The following COL14A1 variants were observed in gnomAD, a reference collection of about 807,000 sequenced individuals.
The protein encoded by COL14A1 is collagen alpha-1(XIV) chain.
A neutral mutation model predicts 230.3 loss-of-function variants in COL14A1; 136 were observed. That is an observed-to-expected ratio of 0.59 (90% CI 0.51 to 0.68). COL14A1 has a LOEUF of 0.68. Among genes scored for constraint, COL14A1 ranks in the 30% least tolerant of loss-of-function variants. The probability of loss-of-function intolerance (pLI) is 0.00; values close to 1 mark genes in which losing one functional copy is unlikely to be tolerated. For synonymous variants in COL14A1, 792 were observed against 784.1 expected (o/e 1.01, Z -0.17); for missense variants, 1,976 against 2,215.8 (o/e 0.89, Z 2.17).
At chr8:120,272,158 A>T (rs1164538161) in intron 26 of COL14A1, among the ~76,000 whole-genome samples, 1 of 151,796 alleles carries the variant, frequency 6.6e-6, no homozygotes, top group Non-Finnish European at 1.5e-5. Flanking sequence ...CTTAAACAAA[A>T]TAACTGTCAG....
intron 5 of COL14A1, among the ~76,000 whole-genome samples, chr8:120,168,749 T>A (rs1409450497): frequency 6.6e-6 from 1 of 152,236 alleles, no homozygotes; most frequent in Non-Finnish European, 1.5e-5. Context: ...CTTAGAACTT[T>A]GCCTGCCATT....
At chr8:120,250,504 G>A (rs1298863162) in intron 21 of COL14A1, 113 bp from the exon 22 acceptor site, 2 of 1,119,280 alleles carry the variant, frequency 1.8e-6, no homozygotes, top group Non-Finnish European at 2.6e-6. Flanking sequence ...CTGTCTGCTT[G>A]CTGTATAATC....
At chr8:120,340,030 T>C (rs1447958417) in intron 42 of COL14A1, among the ~76,000 whole-genome samples, 3 of 125,714 alleles carry the variant, frequency 2.4e-5, no homozygotes, top group Non-Finnish European at 4.7e-5. Context: ...AGAGGGAGAC[T>C]GCGTCTCAAA....
At chr8:120,138,369 ATGCAGATTT>A (rs1200387440) in intron 1 of COL14A1, among the ~76,000 whole-genome samples, 1 of 152,166 alleles carries the variant, frequency 6.6e-6, no homozygotes, top group African/African-American at 2.4e-5. Flanking sequence ...GGGCAGTTTT[ATGCAGATTT>A]TGCTCCCCCT....
intron 45 of COL14A1, among the ~76,000 whole-genome samples, chr8:120,361,530 T>G (rs1248001062): frequency 6.6e-6 from 1 of 152,244 alleles, no homozygotes; most frequent in African/African-American, 2.4e-5. Flanking sequence ...GTCCAGTACC[T>G]TGCTCTTAGT....
intron 34 of COL14A1, among the ~76,000 whole-genome samples, chr8:120,292,122 A>G (rs1157549782): frequency 3.3e-5 from 5 of 152,128 alleles, no homozygotes; most frequent in African/African-American, 1.2e-4. Flanking sequence ...ATTATAATAT[A>G]TTTCACAATG....
intron 34 of COL14A1, among the ~76,000 whole-genome samples, chr8:120,292,109 A>G (rs918533321): frequency 1.3e-5 from 2 of 152,150 alleles, no homozygotes; most frequent in African/African-American, 4.8e-5. Flanking sequence ...TAATTATTTT[A>G]TAATTATAAT....
chr8:120,360,079 G>C (rs1823136977), intron 45 of COL14A1, among the ~76,000 whole-genome samples: 2 of 152,154 alleles, frequency 1.3e-5, no homozygotes, highest in African/African-American at 4.8e-5. Flanking sequence ...TCTTGCTCTG[G>C]TTAGTGGATT....
At chr8:120,320,382 TA>T (rs2033718798) in intron 40 of COL14A1, among the ~76,000 whole-genome samples, 1 of 152,158 alleles carries the variant, frequency 6.6e-6, no homozygotes, top group African/African-American at 2.4e-5. Context: ...AAAAGCAAGT[TA>T]AAAATTTTTT....
At position 120,223,930 on chromosome 8, in the gene COL14A1, G is replaced by A. The variant is rs118123600; in HGVS notation, c.1738-1158G>A. On this transcript the variant is annotated intron_variant, in intron 14 of 47. Coordinates refer to ENST00000297848, the MANE Select transcript of COL14A1 (RefSeq NM_021110.4). ...TACAATATGCACCCTGTACTATGCAGCGCTGCAGCCCCGTGCCCAACACCT... is the reference window on the plus strand; with the variant it reads ...TACAATATGCACCCTGTACTATGCAACGCTGCAGCCCCGTGCCCAACACCT... Among the ~76,000 whole-genome samples the A allele has an allele frequency of 3.9e-3, 591 of 151,700 alleles. 3 individuals are homozygous for A. The highest frequency in any genetic ancestry group is 7.3e-3 in the Non-Finnish European group (494 of 67,926).
intron 25 of COL14A1, 61 bp downstream of exon 25, chr8:120,266,944 G>T (rs766714070): frequency 7.0e-7 from 1 of 1,419,264 alleles, no homozygotes; most frequent in East Asian, 2.3e-5. Context: ...GGTTTTGTTT[G>T]CCTGTTCATT....
At chr8:120,196,154 G>C (rs891878219) in intron 5 of COL14A1, among the ~76,000 whole-genome samples, 1 of 152,114 alleles carries the variant, frequency 6.6e-6, no homozygotes, top group African/African-American at 2.4e-5. Context: ...TTATTTACAT[G>C]ATCTTTAGGA....
At chr8:120,363,548 G>A (rs1172301689) in intron 45 of COL14A1, among the ~76,000 whole-genome samples, 4 of 152,186 alleles carry the variant, frequency 2.6e-5, no homozygotes, top group Non-Finnish European at 5.9e-5. Context: ...TAGCAAACCT[G>A]CACGTTCTGC....
chr8:120,366,187 A>G (rs1046483954), intron 45 of COL14A1, among the ~76,000 whole-genome samples: 25 of 152,258 alleles, frequency 1.6e-4, no homozygotes, highest in Non-Finnish European at 1.2e-4. Flanking sequence ...GACAGTGAAT[A>G]TGCATTATAT....
chr8:120,335,626 C>T (rs1586875470), intron 42 of COL14A1, among the ~76,000 whole-genome samples: 1 of 152,120 alleles, frequency 6.6e-6, no homozygotes, highest in Admixed American at 6.6e-5. Context: ...GGGAAAGGGA[C>T]CAAGAGGGAC....
chr8:120,251,464 A>G (rs1818947560), intron 22 of COL14A1, among the ~76,000 whole-genome samples: 2 of 152,054 alleles, frequency 1.3e-5, no homozygotes, highest in African/African-American at 4.8e-5. Context: ...ATGCCACCCC[A>G]TTCTCAGCAC....
intron 45 of COL14A1, among the ~76,000 whole-genome samples, chr8:120,351,565 G>A (rs1472202009): frequency 7.8e-6 from 1 of 127,518 alleles, no homozygotes; most frequent in Non-Finnish European, 1.6e-5. Flanking sequence ...TATCACCACC[G>A]ATCCCACAGA....
At chr8:120,314,048 C>CA (rs1586855203) in intron 38 of COL14A1, 21 bp downstream of exon 38, 4 of 1,529,982 alleles carry the variant, frequency 2.6e-6, no homozygotes, top group Middle Eastern at 1.7e-4. Flanking sequence ...TTCAAACATT[C>CA]AGACGGGTTT....
chr8:120,256,386 A>C (rs1193981070), intron 23 of COL14A1, among the ~76,000 whole-genome samples: 1 of 152,192 alleles, frequency 6.6e-6, no homozygotes, highest in Non-Finnish European at 1.5e-5. Flanking sequence ...ATAGTTTAGG[A>C]GAGCACTGAG....
Sources: allele counts gnomAD v4.1 joint callset (sites outside exome capture counted in the v4.1 genomes callset), GRCh38; gene constraint gnomAD v4.1.1; transcripts MANE v1.5; gene names NCBI Gene and HGNC (gene_info 2026-07-23, HGNC 2026-07-21).